The following PALS2 variants were observed in gnomAD, a reference collection of about 807,000 sequenced individuals.
PALS2 encodes protein PALS2.
PALS2 carries 27 observed loss-of-function variants against 61.6 expected under a neutral mutation model. The observed-to-expected ratio is 0.44, with a 90% CI of 0.32 to 0.60. PALS2 has a LOEUF of 0.60. Ranked by LOEUF, PALS2 falls within the 20% of genes least tolerant of loss-of-function variation. The probability of loss-of-function intolerance (pLI) is 0.05; values close to 1 mark genes in which losing one functional copy is unlikely to be tolerated. For missense variants in PALS2, 554 were observed against 639.4 expected (o/e 0.87, Z 1.44); for synonymous variants, 236 against 218.6 (o/e 1.08, Z -0.70).
chr7:24,619,717 C>CAAAAAAAAAAA (rs11366774), intron 1 of PALS2, among the ~76,000 whole-genome samples: 1 of 101,962 alleles, frequency 9.8e-6, no homozygotes, highest in Non-Finnish European at 1.9e-5. Flanking sequence ...GACTCTGTCT[C>CAAAAAAAAAAA]AAAAAAAAAA....
intron 9 of PALS2, among the ~76,000 whole-genome samples, chr7:24,678,189 A>G (rs1584000621): frequency 6.6e-6 from 1 of 152,312 alleles, no homozygotes; most frequent in East Asian, 1.9e-4. Flanking sequence ...GAGAGTACAC[A>G]TTTGCAACAG....
At chr7:24,646,855 C>T (rs1007326141) in intron 3 of PALS2, among the ~76,000 whole-genome samples, 1 of 152,112 alleles carries the variant, frequency 6.6e-6, no homozygotes, top group African/African-American at 2.4e-5. Context: ...TGCAGGGAAT[C>T]AATTTATTCC....
intron 9 of PALS2, among the ~76,000 whole-genome samples, chr7:24,671,261 T>C (rs1787281212): frequency 6.6e-6 from 1 of 152,228 alleles, no homozygotes; most frequent in South Asian, 2.1e-4. Flanking sequence ...CTCATTTGCA[T>C]TTCCCTAATG....
chr7:24,645,299 T>C (rs1394813529), intron 3 of PALS2, among the ~76,000 whole-genome samples: 1 of 152,172 alleles, frequency 6.6e-6, no homozygotes, highest in African/African-American at 2.4e-5. Context: ...TTGTGTACTA[T>C]ATAAAGAAGG....
chr7:24,679,046 A>C (rs1787775542), intron 9 of PALS2, 85 bp from the exon 10 acceptor site: 9 of 1,237,438 alleles, frequency 7.3e-6, no homozygotes, highest in Non-Finnish European at 1.0e-5. Flanking sequence ...CCAGTGGAAA[A>C]ACGTTAAGCC....
intron 3 of PALS2, among the ~76,000 whole-genome samples, chr7:24,644,018 T>G (rs1477386032): frequency 6.6e-6 from 1 of 152,094 alleles, no homozygotes; most frequent in Non-Finnish European, 1.5e-5. Flanking sequence ...ATTATACAAA[T>G]TCTGTTCTCT....
At chr7:24,615,953 T>C (rs1784280373) in intron 1 of PALS2, among the ~76,000 whole-genome samples, 1 of 152,114 alleles carries the variant, frequency 6.6e-6, no homozygotes, top group Non-Finnish European at 1.5e-5. Flanking sequence ...AAAAACCACA[T>C]AATCATCTCA....
intron 2 of PALS2, among the ~76,000 whole-genome samples, chr7:24,632,059 A>G (rs1011262904): frequency 8.5e-5 from 13 of 152,234 alleles, no homozygotes; most frequent in Admixed American, 5.9e-4. Flanking sequence ...ACCTTCAACT[A>G]TAATAGTAGA....
Position 24,582,825 on chromosome 7 carries a change from T to A in PALS2, c.-3+9232T>A, listed in dbSNP as rs57700690. Among the ~76,000 whole-genome samples, 1,133 of 150,204 alleles carry A rather than the reference T, an allele frequency of 7.5e-3. 30 individuals are homozygous for A. In the East Asian group the frequency reaches 0.091, roughly 12 times the overall value. On this transcript the variant is annotated intron_variant, in intron 1 of 11. Coordinates refer to ENST00000222644, the MANE Select transcript of PALS2 (RefSeq NM_001303037.2). Reference sequence around the variant, plus strand: ...AGAGCTTTGATATAAGAAACTCAGATAATTGAGTAAAGAAGTTTAATTTAT... The same window carrying A: ...AGAGCTTTGATATAAGAAACTCAGAAAATTGAGTAAAGAAGTTTAATTTAT...
chr7:24,590,913 A>G (rs1382407960), intron 1 of PALS2, among the ~76,000 whole-genome samples: 1 of 150,956 alleles, frequency 6.6e-6, no homozygotes, highest in Non-Finnish European at 1.5e-5. Context: ...TTGTGAGAGA[A>G]TTATTTTCAG....
intron 1 of PALS2, among the ~76,000 whole-genome samples, chr7:24,619,009 C>T (rs1169902042): frequency 6.6e-6 from 1 of 152,190 alleles, no homozygotes; most frequent in Non-Finnish European, 1.5e-5. Context: ...TAATTGGTCA[C>T]TTGAAAAAGC....
chr7:24,606,009 A>G (rs530507213), intron 1 of PALS2, among the ~76,000 whole-genome samples: 1 of 152,274 alleles, frequency 6.6e-6, no homozygotes, highest in East Asian at 1.9e-4. Flanking sequence ...CTCCTTATAT[A>G]GAACATTTCA....
chr7:24,582,030 G>T (rs906548942), intron 1 of PALS2, among the ~76,000 whole-genome samples: 1 of 152,178 alleles, frequency 6.6e-6, no homozygotes, highest in Non-Finnish European at 1.5e-5. Context: ...CATTATCACT[G>T]ATTACCAGCT....
intron 2 of PALS2, among the ~76,000 whole-genome samples, chr7:24,629,722 A>C (rs912528511): frequency 3.2e-4 from 48 of 152,228 alleles, no homozygotes; most frequent in Non-Finnish European, 5.4e-4. Flanking sequence ...CAGACACATG[A>C]AAAAATGCTC....
intron 11 of PALS2, among the ~76,000 whole-genome samples, chr7:24,681,696 A>C (rs947746582): frequency 6.6e-6 from 1 of 151,680 alleles, no homozygotes; most frequent in Non-Finnish European, 1.5e-5. Flanking sequence ...GTTTGGCCAC[A>C]TATTTGTACT....
intron 1 of PALS2, among the ~76,000 whole-genome samples, chr7:24,613,813 G>C (rs540424448): frequency 6.6e-6 from 1 of 151,748 alleles, no homozygotes; most frequent in East Asian, 1.9e-4. Context: ...AACTTTTTTA[G>C]CTTCCATGTA....
At position 24,641,800 on chromosome 7, in the gene PALS2, A is replaced by T; in HGVS notation, c.202A>T (p.Thr68Ser). 1 of 1,613,016 alleles carries T rather than the reference A, an allele frequency of 6.2e-7. No individual in the cohort carries two copies. Among genetic ancestry groups the T allele is most frequent in the African/African-American group, 1.3e-5 (1 of 75,018 alleles). ...ELVNEILEDITPLINVDENVA... is the reference protein window; with the variant it reads ...ELVNEILEDISPLINVDENVA... The stretch of plus-strand genomic sequence containing the variant: ...AGTCAATGAAATTCTTGAAGACATC[A>T]CTCCTCTAATAAATGTGGATGAAAA... Residue 68 changes from threonine to serine, a missense_variant, in exon 3 of 12, where the codon ACT becomes TCT. Thr to Ser is a moderately conservative substitution (Grantham distance 58). Coordinates refer to ENST00000222644, the MANE Select transcript of PALS2 (RefSeq NM_001303037.2).
rs796485343 is a variant in PALS2, at chr7:24,688,463, TTGAC to T, written c.*854_*857del. The T allele has an allele frequency of 2.0e-5, 3 of 152,266 alleles. No individual in the cohort carries two copies. The highest frequency in any genetic ancestry group is 7.2e-5 in the African/African-American group (3 of 41,558). 9.4% of individuals were successfully genotyped at this position (152,266 alleles called of 1,614,324 possible). ...AAAGTTTATTTTCACATGTAAAATT[TTGAC>T]TGACAAAAGGAACCTACTACTTTAA... On this transcript the variant is annotated 3_prime_UTR_variant, in exon 12 of 12. Transcript: ENST00000222644.
intron 9 of PALS2, among the ~76,000 whole-genome samples, chr7:24,669,056 G>A (rs1787172730): frequency 6.6e-6 from 1 of 152,188 alleles, no homozygotes; most frequent in South Asian, 2.1e-4. Context: ...ACCCAGTGTG[G>A]CAACAGCTGT....
Sources: allele counts gnomAD v4.1 joint callset (sites outside exome capture counted in the v4.1 genomes callset), GRCh38; gene constraint gnomAD v4.1.1; transcripts MANE v1.5; gene names NCBI Gene and HGNC (gene_info 2026-07-23, HGNC 2026-07-21).